The following PRRG1 variants were observed in gnomAD, a reference collection of about 807,000 sequenced individuals.
PRRG1 encodes the protein transmembrane gamma-carboxyglutamic acid protein 1.
PRRG1 carries 5 observed loss-of-function variants against 11.8 expected under a neutral mutation model. That is an observed-to-expected ratio of 0.42 (90% confidence interval 0.22 to 0.89). The LOEUF (loss-of-function observed/expected upper bound fraction) is 0.89. PRRG1 is among the 40% of genes least tolerant of loss of function. The pLI is 0.28. For missense variants in PRRG1, 155 were observed against 166.1 expected, an observed-to-expected ratio of 0.93 and a Z score of 0.37; for synonymous variants, 66 against 60.4, an observed-to-expected ratio of 1.09 and a Z score of -0.43.
chrX:37,446,090 G>A (rs1933070419), intron 3 of PRRG1, among the ~76,000 whole-genome samples: 1 of 112,356 alleles, frequency 8.9e-6, no homozygotes, highest in African/African-American at 3.2e-5. Flanking sequence ...TTGCAGTTTG[G>A]TGCGTAATTT....
In PRRG1 at chrX:37,439,697, C is replaced by G. The variant is rs372555259; in HGVS notation, c.172-13439C>G. Among the ~76,000 whole-genome samples the G allele has an allele frequency of 7.2e-5, 8 of 110,697 alleles. No homozygotes were observed. In the East Asian group the frequency reaches 2.0e-3, roughly 27 times the overall value. Reference sequence around the variant, plus strand: ...AGTAGTAAAGACACATGACATGGTACTTATTCAAGCTCAGATATGATAGAA... The same window carrying G: ...AGTAGTAAAGACACATGACATGGTAGTTATTCAAGCTCAGATATGATAGAA... On this transcript the variant is annotated intron_variant, in intron 3 of 3. Transcript: ENST00000378628.
At chrX:37,414,585 C>A (rs1347217776) in intron 2 of PRRG1, among the ~76,000 whole-genome samples, 1 of 112,608 alleles carries the variant, frequency 8.9e-6, no homozygotes, top group Non-Finnish European at 1.9e-5. Flanking sequence ...AGGAAGTGCC[C>A]CTGGTACATA....
chrX:37,397,402 T>C (rs1556378513), intron 1 of PRRG1, among the ~76,000 whole-genome samples: 1 of 112,170 alleles, frequency 8.9e-6, no homozygotes, highest in African/African-American at 3.2e-5. Flanking sequence ...ACAAATGAGC[T>C]TCCCCTAAGT....
intron 1 of PRRG1, among the ~76,000 whole-genome samples, chrX:37,354,886 A>G (rs1236990295): frequency 3.6e-5 from 4 of 110,546 alleles, no homozygotes; most frequent in African/African-American, 1.3e-4. Flanking sequence ...AGAACATATC[A>G]CAGGTATTTG....
intron 2 of PRRG1, among the ~76,000 whole-genome samples, chrX:37,408,062 C>T (rs7055652): frequency 0.042 from 4,742 of 111,809 alleles, 262 homozygotes; most frequent in African/African-American, 0.15. Flanking sequence ...ACTAAATGAA[C>T]TTTTTAAAAA....
chrX:37,353,198 G>T (rs782474318), intron 1 of PRRG1, among the ~76,000 whole-genome samples: 1 of 110,939 alleles, frequency 9.0e-6, no homozygotes, highest in South Asian at 3.9e-4. Flanking sequence ...TCCTGACCCT[G>T]TGTAGGTCTA....
Position 37,389,778 on chromosome X carries a change from A to G in PRRG1, c.-41-16431A>G, listed in dbSNP as rs1014559734. ...GGGACAGAGATCCAAACCATATCACATATTATCAATTTAAAGAGATGTGGC... is the reference window on the plus strand; with the variant it reads ...GGGACAGAGATCCAAACCATATCACGTATTATCAATTTAAAGAGATGTGGC... On this transcript the variant is annotated intron_variant, in intron 1 of 3. Coordinates refer to ENST00000378628, the MANE Select transcript of PRRG1 (RefSeq NM_001142395.2). Among the ~76,000 whole-genome samples the G allele has an allele frequency of 3.6e-5, 4 of 111,713 alleles. No homozygotes were observed. In the East Asian group the frequency reaches 1.1e-3, roughly 32 times the overall value.
rs949132691 is a variant in PRRG1, at chrX:37,453,911, G to A, written c.*290G>A. ...TATATGTGTGTATAGGCATATATAC[G>A]TGTGTATGCATCAACACAGTATATG... is the stretch of plus-strand genomic sequence containing the variant. On this transcript the variant is annotated 3_prime_UTR_variant, in exon 4 of 4. Transcript: ENST00000378628. The A allele has an allele frequency of 7.2e-5, 14 of 193,345 alleles. No homozygotes were observed. In the East Asian group the frequency reaches 1.3e-3, roughly 18 times the overall value. 15.9% of individuals were successfully genotyped at this position (193,345 alleles called of 1,213,427 possible). A position where few individuals can be genotyped will look rare whatever the true frequency, so the allele number is the denominator to read the frequency against.
intron 1 of PRRG1, among the ~76,000 whole-genome samples, chrX:37,401,539 G>A (rs1308638398): frequency 3.7e-5 from 4 of 108,821 alleles, no homozygotes; most frequent in Admixed American, 9.8e-5. Flanking sequence ...TACTGAATGG[G>A]CAAAAACTGG....
chrX:37,363,690 C>T (rs782296782), intron 1 of PRRG1, among the ~76,000 whole-genome samples: 1 of 112,092 alleles, frequency 8.9e-6, no homozygotes, highest in South Asian at 3.7e-4. Context: ...CTTTGGATGC[C>T]TGAAAGTGTA....
chrX:37,423,074 A>G (rs1472432777), intron 2 of PRRG1, among the ~76,000 whole-genome samples: 2 of 111,213 alleles, frequency 1.8e-5, no homozygotes, highest in Non-Finnish European at 3.8e-5. Context: ...CAAGTGGGAT[A>G]AGATGTGGAT....
At chrX:37,391,520 T>G (rs1238716407) in intron 1 of PRRG1, among the ~76,000 whole-genome samples, 1 of 111,904 alleles carries the variant, frequency 8.9e-6, no homozygotes, top group East Asian at 2.8e-4. Context: ...CGAGTTTATA[T>G]GTGTGGTGGA....
At chrX:37,410,894 T>C (rs782104825) in intron 2 of PRRG1, among the ~76,000 whole-genome samples, 20 of 112,352 alleles carry the variant, frequency 1.8e-4, no homozygotes, top group Non-Finnish European at 3.6e-4. Flanking sequence ...AACACCAGAA[T>C]AGCATGAGAT....
chrX:37,384,508 C>T (rs1416178840), intron 1 of PRRG1, among the ~76,000 whole-genome samples: 1 of 111,673 alleles, frequency 9.0e-6, no homozygotes, highest in Non-Finnish European at 1.9e-5. Flanking sequence ...TAACTATATT[C>T]CTACTATTAG....
At chrX:37,424,989 G>A (rs1932756628) in intron 2 of PRRG1, among the ~76,000 whole-genome samples, 3 of 111,172 alleles carry the variant, frequency 2.7e-5, no homozygotes, top group South Asian at 7.5e-4. Context: ...TTGCATTAAC[G>A]GAGATGAAAT....
intron 1 of PRRG1, among the ~76,000 whole-genome samples, chrX:37,386,415 TATC>T (rs1466601803): frequency 3.6e-5 from 4 of 112,068 alleles, no homozygotes; most frequent in African/African-American, 1.3e-4. Context: ...CTCATGAATT[TATC>T]ATCACAATCT....
chrX:37,368,479 A>G (rs1407784465), intron 1 of PRRG1, among the ~76,000 whole-genome samples: 1 of 111,681 alleles, frequency 9.0e-6, no homozygotes, highest in African/African-American at 3.3e-5. Context: ...TCTGATGGCC[A>G]TTCTAGCTTT....
chrX:37,396,282 T>C (rs1211465274), intron 1 of PRRG1, among the ~76,000 whole-genome samples: 1 of 112,158 alleles, frequency 8.9e-6, no homozygotes, highest in Non-Finnish European at 1.9e-5. Flanking sequence ...ATACAAGAAA[T>C]GCACACAGAG....
intron 1 of PRRG1, among the ~76,000 whole-genome samples, chrX:37,398,007 CACACACACAT>C (rs782314068): frequency 0.063 from 6,488 of 103,393 alleles, 264 homozygotes; most frequent in African/African-American, 0.14. Flanking sequence ...CACACACACA[CACACACACAT>C]ACACGCTGAA....
Sources: allele counts gnomAD v4.1 joint callset (sites outside exome capture counted in the v4.1 genomes callset), GRCh38; gene constraint gnomAD v4.1.1; transcripts MANE v1.5; gene names NCBI Gene and HGNC (gene_info 2026-07-23, HGNC 2026-07-21).